The following GRIN3A variants were observed in gnomAD, a reference collection of about 807,000 sequenced individuals.
The protein encoded by GRIN3A is glutamate receptor ionotropic, NMDA 3A.
A neutral mutation model predicts 92.4 loss-of-function variants in GRIN3A; 47 were observed. The observed-to-expected ratio is 0.51, with a 90% CI of 0.40 to 0.65. The LOEUF is 0.65. Ranked by LOEUF, GRIN3A falls within the 30% of genes least tolerant of loss-of-function variation. The probability of loss-of-function intolerance (pLI) is 0.00; values close to 1 mark genes in which losing one functional copy is unlikely to be tolerated. For missense variants in GRIN3A, 1,324 were observed against 1,393.1 expected (o/e 0.95, Z 0.79); for synonymous variants, 527 against 540.6 (o/e 0.97, Z 0.35).
intron 8 of GRIN3A, among the ~76,000 whole-genome samples, chr9:101,575,692 T>C (rs1349681716): frequency 1.3e-5 from 2 of 152,226 alleles, no homozygotes; most frequent in Non-Finnish European, 2.9e-5. Flanking sequence ...CTATTTGCTC[T>C]TTTATTTGTT....
chr9:101,618,102 C>T (rs1002272578), intron 5 of GRIN3A, among the ~76,000 whole-genome samples: 7 of 151,812 alleles, frequency 4.6e-5, no homozygotes, highest in Non-Finnish European at 1.0e-4. Flanking sequence ...AAAACCTAGG[C>T]AATACCATTC....
chr9:101,688,774 C>A (rs1399027080), intron 1 of GRIN3A, among the ~76,000 whole-genome samples: 2 of 152,000 alleles, frequency 1.3e-5, no homozygotes, highest in Non-Finnish European at 2.9e-5. Flanking sequence ...CAAAAATTAG[C>A]CAGAAATAGC....
chr9:101,705,019 G>T (rs181066733), intron 1 of GRIN3A, among the ~76,000 whole-genome samples: 2 of 150,660 alleles, frequency 1.3e-5, no homozygotes, highest in African/African-American at 2.4e-5. Context: ...GATAAGGAAG[G>T]GGGGGCAGGG....
intron 6 of GRIN3A, among the ~76,000 whole-genome samples, chr9:101,610,625 C>CTATCT (rs201233963): frequency 7.1e-6 from 1 of 141,506 alleles, no homozygotes; most frequent in Non-Finnish European, 1.6e-5. Context: ...ATCTATCTAT[C>CTATCT]ATCTATCTAT....
intron 3 of GRIN3A, 91 bp downstream of exon 3, chr9:101,669,969 G>T (rs1457847497): frequency 4.0e-6 from 4 of 993,672 alleles, no homozygotes; most frequent in Non-Finnish European, 3.2e-6. Flanking sequence ...TCCTGTGTTA[G>T]ATGGAAGAAC....
At chr9:101,608,509 T>G (rs1828315883) in intron 6 of GRIN3A, among the ~76,000 whole-genome samples, 1 of 152,186 alleles carries the variant, frequency 6.6e-6, no homozygotes, top group Non-Finnish European at 1.5e-5. Flanking sequence ...TTTTTTTTGG[T>G]CTATACTTGA....
At chr9:101,610,841 G>A (rs1451932709) in intron 6 of GRIN3A, among the ~76,000 whole-genome samples, 4 of 152,136 alleles carry the variant, frequency 2.6e-5, no homozygotes, top group Non-Finnish European at 4.4e-5. Flanking sequence ...GCTCATGCCT[G>A]TAATCCCAGC....
At chr9:101,613,213 A>T (rs114203089) in intron 6 of GRIN3A, among the ~76,000 whole-genome samples, 163 bp downstream of exon 6, 270 of 152,378 alleles carry the variant, frequency 1.8e-3, no homozygotes, top group African/African-American at 6.2e-3. Context: ...AAATTCCTAT[A>T]GGAATGGACG....
intron 3 of GRIN3A, among the ~76,000 whole-genome samples, chr9:101,651,010 ATTTG>A (rs1004308262): frequency 1.3e-5 from 2 of 151,782 alleles, no homozygotes; most frequent in Non-Finnish European, 2.9e-5. Flanking sequence ...TAGTATAAAT[ATTTG>A]TTTATTTGTG....
chr9:101,736,221 C>T (rs2119050969), intron 1 of GRIN3A, among the ~76,000 whole-genome samples: 1 of 152,268 alleles, frequency 6.6e-6, no homozygotes, highest in Non-Finnish European at 1.5e-5. Flanking sequence ...TTGATCAAGT[C>T]CCCAGACTTT....
chr9:101,595,251 C>T (rs558818066), intron 6 of GRIN3A, among the ~76,000 whole-genome samples: 3 of 151,910 alleles, frequency 2.0e-5, no homozygotes, highest in Non-Finnish European at 4.4e-5. Context: ...CTTTTTCCTT[C>T]TCTCAAACTC....
In GRIN3A at chr9:101,686,676, T is replaced by C. The variant is rs1272173919; in HGVS notation, c.1224A>G (p.Pro408=). 2 of 1,614,204 alleles carry C rather than the reference T, an allele frequency of 1.2e-6. No individual in the cohort carries two copies. The highest frequency in any genetic ancestry group is 2.2e-5 in the East Asian group (1 of 44,870). The change falls in exon 2 of 9, where the codon CCA becomes CCG. Residue 408 remains proline (P), a synonymous_variant. Coordinates refer to ENST00000361820, the MANE Select transcript of GRIN3A (RefSeq NM_133445.3). ...TCGTGCTGGGAATGAGAGCAAGTTC[T>C]GGTTGGATCATGGTGGCTGTGGCTA... The part of the protein sequence containing the change: ...RAVATATMIQ[P]ELALIPSTMN...
At chr9:101,728,272 T>C (rs555962842) in intron 1 of GRIN3A, among the ~76,000 whole-genome samples, 3 of 152,290 alleles carry the variant, frequency 2.0e-5, no homozygotes, top group Non-Finnish European at 4.4e-5. Flanking sequence ...AAAACACCCA[T>C]AGATTGCATG....
At chr9:101,581,307 C>G (rs1827883829) in intron 6 of GRIN3A, among the ~76,000 whole-genome samples, 1 of 152,106 alleles carries the variant, frequency 6.6e-6, no homozygotes, top group Non-Finnish European at 1.5e-5. Context: ...CATGACTTTC[C>G]TGGACAGTGG....
chr9:101,592,124 T>G (rs1171388297), intron 6 of GRIN3A: 15 of 152,328 alleles, frequency 9.8e-5, no homozygotes, highest in Non-Finnish European at 1.5e-4. Context: ...GTTTTAAAAA[T>G]TCTCCAGTTC....
chr9:101,589,028 T>A (rs1827986545), intron 6 of GRIN3A, among the ~76,000 whole-genome samples: 1 of 152,172 alleles, frequency 6.6e-6, no homozygotes, highest in African/African-American at 2.4e-5. Context: ...CAGAATGTAG[T>A]GGAGCGATCT....
In GRIN3A at chr9:101,738,208, C is replaced by T. The variant is rs1022592761; in HGVS notation, c.-229G>A. ...CCTCCGCCTGGCATCCTCTGCCCGC[C>T]CGGTCACTGCGCTGAGCAGGCAGGC... On this transcript the variant is annotated 5_prime_UTR_variant, in exon 1 of 9. Coordinates refer to ENST00000361820, the MANE Select transcript of GRIN3A (RefSeq NM_133445.3). 4.0e-5 allele frequency: 24 copies of T among 600,878 alleles called. No individual in the cohort carries two copies. The highest frequency in any genetic ancestry group is 6.9e-5 in the Non-Finnish European group (23 of 333,296). The allele number at this position is 600,878 out of a possible 1,614,324, so 37.2% of individuals were successfully genotyped here.
chr9:101,646,967 C>T (rs1422539885), intron 3 of GRIN3A, among the ~76,000 whole-genome samples: 2 of 151,272 alleles, frequency 1.3e-5, no homozygotes, highest in Non-Finnish European at 3.0e-5. Context: ...TTTTCCTTTC[C>T]AATTTGGATG....
rs368597155 is a variant in GRIN3A, at chr9:101,577,758, C to T, written c.3008+10G>A. On this transcript the variant is annotated intron_variant, in intron 8 of 8. Coordinates refer to ENST00000361820, the MANE Select transcript of GRIN3A (RefSeq NM_133445.3). ...AAATATAAAGACAGTTGCCATTGGCCCCTTCTTACCTCTTTTCCACACGTT... is the reference window on the plus strand; with the variant it reads ...AAATATAAAGACAGTTGCCATTGGCTCCTTCTTACCTCTTTTCCACACGTT... The T allele has an allele frequency of 6.3e-7, 1 of 1,596,984 alleles. No individual in the cohort carries two copies. The highest frequency in any genetic ancestry group is 8.6e-7 in the Non-Finnish European group (1 of 1,165,094).
Sources: gnomAD v4.1 joint callset for allele counts (sites outside exome capture counted in the v4.1 genomes callset) on GRCh38, gnomAD v4.1.1 for gene constraint, MANE v1.5 for transcripts, NCBI Gene and HGNC (gene_info 2026-07-23, HGNC 2026-07-21) for gene names.